The following FMN2 variants were observed in gnomAD, a reference collection of about 807,000 sequenced individuals.
FMN2 encodes formin-2.
FMN2 carries 51 observed loss-of-function variants against 142.3 expected under a neutral mutation model. That is an observed-to-expected ratio of 0.36 (90% CI 0.29 to 0.45). FMN2 has a LOEUF of 0.45. Among genes scored for constraint, FMN2 ranks in the 20% least tolerant of loss-of-function variants. The pLI is 1.00. For missense variants in FMN2, 1,936 were observed against 2,122.8 expected (o/e 0.91, Z 1.73); for synonymous variants, 882 against 869.8 (o/e 1.01, Z -0.25).
chr1:240,174,629 G>T (rs1156698149), intron 2 of FMN2, among the ~76,000 whole-genome samples: 1 of 152,128 alleles, frequency 6.6e-6, no homozygotes, highest in Non-Finnish European at 1.5e-5. Context: ...GCCTCCCAAA[G>T]TGCTGGGATT....
intron 13 of FMN2, 40 bp from the exon 14 acceptor site, chr1:240,355,776 A>G (rs1672244949): frequency 6.8e-7 from 1 of 1,462,340 alleles, no homozygotes; most frequent in East Asian, 2.3e-5. Flanking sequence ...ATGCTCCACT[A>G]ACAGTGTGAC....
chr1:240,425,340 A>C (rs1264024390), intron 15 of FMN2, among the ~76,000 whole-genome samples: 1 of 152,168 alleles, frequency 6.6e-6, no homozygotes, highest in Non-Finnish European at 1.5e-5. Context: ...AAAACTCGGT[A>C]GGTAAAGATG....
At position 240,399,651 on chromosome 1, in the gene FMN2, G is replaced by A. The variant is rs571477587; in HGVS notation, c.4910+7089G>A. Among the ~76,000 whole-genome samples, 48 of 152,256 alleles carry A rather than the reference G, an allele frequency of 3.2e-4. No individual in the cohort carries two copies. The South Asian group carries it at 8.3e-3, about 26-fold the overall frequency. On this transcript the variant is annotated intron_variant, in intron 15 of 17. Coordinates refer to ENST00000319653, the MANE Select transcript of FMN2 (RefSeq NM_020066.5). ...CCACCACCTCCAGCTTATTGCAGAC[G>A]TTCTGTTCCAGACTAACAATGCAGA...
chr1:240,111,652 T>A (rs570533696), intron 1 of FMN2, among the ~76,000 whole-genome samples: 8 of 152,150 alleles, frequency 5.3e-5, no homozygotes, highest in Non-Finnish European at 7.4e-5. Flanking sequence ...CTTATCAGCC[T>A]TATCAGCAAG....
At chr1:240,383,649 T>C (rs1047863260) in intron 14 of FMN2, among the ~76,000 whole-genome samples, 2 of 152,124 alleles carry the variant, frequency 1.3e-5, no homozygotes, top group African/African-American at 4.8e-5. Context: ...GGTAGGTATA[T>C]TAGTACAACC....
At chr1:240,214,596 T>C (rs193195581) in intron 6 of FMN2, among the ~76,000 whole-genome samples, 3 of 151,866 alleles carry the variant, frequency 2.0e-5, no homozygotes, top group Non-Finnish European at 2.9e-5. Flanking sequence ...TGATCTCTTA[T>C]GATGTTCATG....
At chr1:240,349,385 G>A (rs1672018250) in intron 13 of FMN2, among the ~76,000 whole-genome samples, 1 of 152,130 alleles carries the variant, frequency 6.6e-6, no homozygotes, top group African/African-American at 2.4e-5. Context: ...AGGCTGGTTT[G>A]TAGATGCCAA....
At chr1:240,241,503 C>T (rs72764393) in intron 6 of FMN2, among the ~76,000 whole-genome samples, 2,213 of 152,226 alleles carry the variant, frequency 0.015, 24 homozygotes, top group Middle Eastern at 0.034. Flanking sequence ...ACTTTGGAGT[C>T]GGACTTAGCT....
intron 6 of FMN2, 57 bp from the exon 7 acceptor site, chr1:240,257,888 G>A (rs1203654775): frequency 2.2e-6 from 3 of 1,386,588 alleles, no homozygotes; most frequent in South Asian, 2.4e-5. Flanking sequence ...TAAAATGCTA[G>A]TAAGCATATT....
rs773164031 is a variant in FMN2, at chr1:240,329,185, C to T, written c.4307+18C>T. ...CCTGAACAGTAAGCATGTCTTATAACCACGTAGAGGGCGTCCAGGCTATGG... is the reference window on the plus strand; with the variant it reads ...CCTGAACAGTAAGCATGTCTTATAATCACGTAGAGGGCGTCCAGGCTATGG... On this transcript the variant is annotated intron_variant, in intron 9 of 17. Coordinates refer to ENST00000319653, the MANE Select transcript of FMN2 (RefSeq NM_020066.5). 7 of 1,613,440 alleles carry T rather than the reference C, an allele frequency of 4.3e-6. No homozygotes were observed. Among genetic ancestry groups the T allele is most frequent in the Non-Finnish European group, 5.9e-6 (7 of 1,179,752 alleles).
rs1458320118 is a variant in FMN2, at chr1:240,092,675, C to T, written c.566C>T (p.Ala189Val). ...SDTDIYSFHSATEQEDLLSDI... is the reference protein window; with the variant it reads ...SDTDIYSFHSVTEQEDLLSDI... ...ACGGACATCTATAGCTTCCATTCGG[C>T]TACGGAGCAAGAGGATTTGCTTTCA... Residue 189 changes from alanine (A) to valine (V), a missense_variant, in exon 1 of 18, where the codon GCT becomes GTT. Transcript: ENST00000319653. 1 of 1,614,122 alleles carries T rather than the reference C, an allele frequency of 6.2e-7. No individual in the cohort carries two copies. The highest frequency in any genetic ancestry group is 2.2e-5 in the East Asian group (1 of 44,854).
chr1:240,123,121 G>A lies in FMN2; in HGVS notation c.1616-58G>A, dbSNP rs1276916892. On this transcript the variant is annotated intron_variant, in intron 1 of 17. Coordinates refer to ENST00000319653, the MANE Select transcript of FMN2 (RefSeq NM_020066.5). ...GTTTACCCAGCCGCTGTCCCCTGGC[G>A]AGTTCAGAGCCAGGTGATCGGCAGT... 26 of 1,591,892 alleles carry A rather than the reference G, an allele frequency of 1.6e-5. No individual in the cohort carries two copies. The East Asian group carries it at 2.2e-4, about 14-fold the overall frequency.
At chr1:240,362,537 A>T (rs1000944208) in intron 14 of FMN2, among the ~76,000 whole-genome samples, 1 of 152,072 alleles carries the variant, frequency 6.6e-6, no homozygotes, top group Non-Finnish European at 1.5e-5. Context: ...TTATTTTTGA[A>T]TCTAATTTGT....
chr1:240,154,395 A>T (rs1324570535), intron 2 of FMN2, among the ~76,000 whole-genome samples: 1 of 152,150 alleles, frequency 6.6e-6, no homozygotes, highest in Admixed American at 6.5e-5. Flanking sequence ...AGGAGTTTTC[A>T]AGGTGGAAAA....
intron 8 of FMN2, among the ~76,000 whole-genome samples, chr1:240,324,711 G>A (rs928107812): frequency 6.7e-6 from 1 of 149,248 alleles, no homozygotes; most frequent in Non-Finnish European, 1.5e-5. Context: ...GAGGGAGGGA[G>A]GGAAGAAAGA....
intron 7 of FMN2, among the ~76,000 whole-genome samples, chr1:240,288,376 C>A (rs1669661339): frequency 6.6e-6 from 1 of 152,160 alleles, no homozygotes; most frequent in African/African-American, 2.4e-5. Context: ...TTTCTTTCCA[C>A]TGAATCATGA....
intron 6 of FMN2, among the ~76,000 whole-genome samples, chr1:240,214,500 G>A (rs1460326682): frequency 1.3e-5 from 2 of 148,492 alleles, no homozygotes; most frequent in East Asian, 2.0e-4. Context: ...GCAGTGAGCC[G>A]AGATCGCACC....
At chr1:240,361,651 C>T (rs993635660) in intron 14 of FMN2, among the ~76,000 whole-genome samples, 6 of 152,006 alleles carry the variant, frequency 3.9e-5, no homozygotes, top group Non-Finnish European at 7.4e-5. Context: ...TATGCATAGA[C>T]GGAAAGATTT....
chr1:240,324,608 C>T (rs1225570792), intron 8 of FMN2, among the ~76,000 whole-genome samples: 1 of 149,556 alleles, frequency 6.7e-6, no homozygotes, highest in Non-Finnish European at 1.5e-5. Flanking sequence ...TTGTAGTGAG[C>T]CGAGATCATA....
Sources: gnomAD v4.1 joint callset for allele counts (sites outside exome capture counted in the v4.1 genomes callset) on GRCh38, gnomAD v4.1.1 for gene constraint, MANE v1.5 for transcripts, NCBI Gene and HGNC (gene_info 2026-07-23, HGNC 2026-07-21) for gene names.